The following LY6G6F variants were observed in gnomAD, a reference collection of about 807,000 sequenced individuals.
LY6G6F encodes lymphocyte antigen 6 complex locus protein G6f.
A neutral mutation model predicts 33.0 loss-of-function variants in LY6G6F; 26 were observed. The ratio of observed to expected loss-of-function variants is 0.79; its 90% CI spans 0.58 to 1.09. LY6G6F has a LOEUF of 1.09. Among genes scored for constraint, LY6G6F ranks in the 50% least tolerant of loss-of-function variants. The probability of loss-of-function intolerance (pLI) is 0.00; values close to 1 mark genes in which losing one functional copy is unlikely to be tolerated. For synonymous variants in LY6G6F, 132 were observed against 148.1 expected (o/e 0.89, Z 0.79); for missense variants, 317 against 372.0 (o/e 0.85, Z 1.22).
chr6:31,709,315 A>C (rs1339215195), intron 3 of LY6G6F, among the ~76,000 whole-genome samples: 3 of 149,970 alleles, frequency 2.0e-5, no homozygotes, highest in Non-Finnish European at 4.4e-5. Flanking sequence ...GCTGGAGTGC[A>C]GTGGCGCAAT....
In LY6G6F at chr6:31,707,322, G is replaced by C; in HGVS notation, c.53-136G>C. 1 of 731,686 alleles carries C rather than the reference G, an allele frequency of 1.4e-6. No homozygotes were observed. 45.3% of individuals were successfully genotyped at this position (731,686 alleles called of 1,614,324 possible). A position where few individuals can be genotyped will look rare whatever the true frequency, so the allele number is the denominator to read the frequency against. ...CTCCACCTGTCTTATTTTTGTAGCT[G>C]TCACTTGAGAAATGTGGTCACCAGC... On this transcript the variant is annotated intron_variant, in intron 1 of 5. Coordinates refer to ENST00000375832, the MANE Select transcript of LY6G6F (RefSeq NM_001003693.3). This position sits in a 1 kb window ranked among gnomAD's most constrained non-coding sequence, Gnocchi z 4.1.
At position 31,708,107 on chromosome 6, in the gene LY6G6F, A is replaced by G. The variant is rs1254678498; in HGVS notation, c.619A>G (p.Asn207Asp). The change falls in exon 3 of 6, where the codon AAC becomes GAC. Residue 207 changes from asparagine to aspartate, a missense_variant. By Grantham distance (23) the Asn-to-Asp change is conservative (BLOSUM62 1). Transcript: ENST00000375832. ...PRIIRCLMTH[N>D]KGVSFSLAAS... ...AATCATCCGCTGCCTCATGACTCAC[A>G]ACAAAGGGGTCAGCTTTAGCCTGGC... 3.2e-6 allele frequency: 5 copies of G among 1,580,322 alleles called. No homozygotes were observed. Among genetic ancestry groups the G allele is most frequent in the Admixed American group, 1.8e-5 (1 of 54,866 alleles).
Position 31,707,629 on chromosome 6 carries a change from G to C in LY6G6F, c.224G>C (p.Gly75Ala), listed in dbSNP as rs1392250844. The change falls in exon 2 of 6, where the codon GGA becomes GCA. Residue 75 changes from glycine to alanine, a missense_variant. Coordinates refer to ENST00000375832, the MANE Select transcript of LY6G6F (RefSeq NM_001003693.3). This position sits in a 1 kb window ranked among gnomAD's most constrained non-coding sequence, Gnocchi z 4.1. ...GTGGGCAGGCCAGCCCCAGACCCTG[G>C]AAAACCAGGAAGGGAATCCAGGCTC... ...VQVGRPAPDP[G>A]KPGRESRLRL... 6.2e-7 allele frequency: 1 copy of C among 1,613,684 alleles called. No homozygotes were observed. The highest frequency in any genetic ancestry group is 8.5e-7 in the Non-Finnish European group (1 of 1,179,828).
Position 31,707,502 on chromosome 6 carries a change from C to T in LY6G6F, c.97C>T (p.Leu33=). Residue 33 remains leucine, a synonymous_variant, in exon 2 of 6, where the codon CTG becomes TTG. Transcript: ENST00000375832. This position sits in a 1 kb window ranked among gnomAD's most constrained non-coding sequence, Gnocchi z 4.1. ...TGTGGCCTTGGGGGAGGCAGTAGAG[C>T]TGCCATGTCCCTCACCACCTACTCT... is the stretch of plus-strand genomic sequence containing the variant. ...IYVALGEAVE[L]PCPSPPTLHG... is the part of the protein sequence containing the mutation. 1 of 1,614,168 alleles carries T rather than the reference C, an allele frequency of 6.2e-7. No individual in the cohort carries two copies. The highest frequency in any genetic ancestry group is 8.5e-7 in the Non-Finnish European group (1 of 1,180,008).
intron 3 of LY6G6F, among the ~76,000 whole-genome samples, chr6:31,708,912 G>A (rs917990428): frequency 6.7e-6 from 1 of 150,370 alleles, no homozygotes; most frequent in African/African-American, 2.5e-5. Context: ...GGCAACAAGA[G>A]CGAAGCTCTA....
chr6:31,706,904 C>G lies in LY6G6F; in HGVS notation c.-3C>G. 3.7e-6 allele frequency: 6 copies of G among 1,614,112 alleles called. No homozygotes were observed. Among genetic ancestry groups the G allele is most frequent in the Non-Finnish European group, 5.1e-6 (6 of 1,180,032 alleles). ...GAGCAAGAGAACTTGGCAGGCTCTC[C>G]CCATGGCAGTCTTATTCCTCCTCCT... is the stretch of plus-strand genomic sequence containing the variant. On this transcript the variant is annotated 5_prime_UTR_variant, in exon 1 of 6. Coordinates refer to ENST00000375832, the MANE Select transcript of LY6G6F (RefSeq NM_001003693.3).
Position 31,707,267 on chromosome 6 carries a change from G to C in LY6G6F, c.53-191G>C, listed in dbSNP as rs1297298651. Among the ~76,000 whole-genome samples the C allele has an allele frequency of 6.6e-6, 1 of 152,202 alleles. No individual in the cohort carries two copies. Among genetic ancestry groups the C allele is most frequent in the Non-Finnish European group, 1.5e-5 (1 of 68,034 alleles). On this transcript the variant is annotated intron_variant, in intron 1 of 5. Transcript: ENST00000375832. The surrounding 1 kb of genome is among the most constrained non-coding windows in gnomAD (Gnocchi z 4.1). ...CCTCAGACCCCCTCACTGGCTGGGG[G>C]AGAGAGGAGGAAAGCCCTTACCCTC...
chr6:31,707,863 C>T lies in LY6G6F; in HGVS notation c.383-8C>T, dbSNP rs1805730396. ...TGAAGAACTGAGGAATCCCTCTCTC[C>T]CCTACAGGATCCCAGTTATCTGCAA... On this transcript the variant is annotated splice_region_variant and splice_polypyrimidine_tract_variant and intron_variant, in intron 2 of 5. Coordinates refer to ENST00000375832, the MANE Select transcript of LY6G6F (RefSeq NM_001003693.3). The surrounding 1 kb of genome is among the most constrained non-coding windows in gnomAD (Gnocchi z 4.1). 7 of 1,612,116 alleles carry T rather than the reference C, an allele frequency of 4.3e-6. 1 individual carries two copies. The South Asian group carries it at 6.6e-5, about 15-fold the overall frequency.
intron 3 of LY6G6F, 41 bp downstream of exon 3, chr6:31,708,175 TCAGCC>T: frequency 1.3e-6 from 2 of 1,505,834 alleles, no homozygotes; most frequent in Non-Finnish European, 1.8e-6. Context: ...TTCTTTCACT[TCAGCC>T]TCCCAAGTAG....
At chr6:31,708,594 C>T (rs1457375911) in intron 3 of LY6G6F, among the ~76,000 whole-genome samples, 1 of 152,140 alleles carries the variant, frequency 6.6e-6, no homozygotes, top group African/African-American at 2.4e-5. Context: ...GAGCAGGGGG[C>T]ATTGCCATTC....
At chr6:31,709,260 T>TG (rs200827488) in intron 3 of LY6G6F, among the ~76,000 whole-genome samples, 21,708 of 147,890 alleles carry the variant, frequency 0.15, 1,851 homozygotes, top group Admixed American at 0.2. Context: ...GTGTGTGTGT[T>TG]TTTTTTTGTT....
At position 31,710,155 on chromosome 6, in the gene LY6G6F, A is replaced by T; in HGVS notation, c.776A>T (p.Gln259Leu). ...GCCCTCAGCATCGTGCTCTGGAGGC[A>T]GAGGGTCCGTGGGGCTCCAGGCAGA... is the stretch of plus-strand genomic sequence containing the variant. ...ILALSIVLWR[Q>L]RVRGAPGRDA... Residue 259 changes from glutamine (Q) to leucine (L), a missense_variant, in exon 4 of 6, where the codon CAG (glutamine) becomes CTG (leucine). Transcript: ENST00000375832. The surrounding 1 kb of genome is among the most constrained non-coding windows in gnomAD (Gnocchi z 4.7). 6.2e-7 allele frequency: 1 copy of T among 1,612,820 alleles called. No individual in the cohort carries two copies. The highest frequency in any genetic ancestry group is 8.5e-7 in the Non-Finnish European group (1 of 1,179,872).
chr6:31,710,214 G>A lies in LY6G6F; in HGVS notation c.802+33G>A, dbSNP rs1183049046. ...CCTCCCTCCCCGGGGAAAGAAGAGG[G>A]CACATGGGTGGGAGGCAAAGGGCTA... is the stretch of plus-strand genomic sequence containing the variant. On this transcript the variant is annotated intron_variant, in intron 4 of 5. Transcript: ENST00000375832. The surrounding 1 kb of genome is among the most constrained non-coding windows in gnomAD (Gnocchi z 4.7). 6.2e-7 allele frequency: 1 copy of A among 1,607,880 alleles called. No homozygotes were observed. Among genetic ancestry groups the A allele is most frequent in the South Asian group, 1.1e-5 (1 of 90,700 alleles).
rs969453691 is a variant in LY6G6F, at chr6:31,710,071, G to A, written c.692G>A (p.Trp231Ter). ...SPALCAPSTG[W>*]DMPWILMLLL... is the part of the protein sequence containing the mutation. ...GCCCTCTGTGCCCCTTCCACGGGCT[G>A]GGACATGCCTTGGATTCTGATGCTG... is the stretch of plus-strand genomic sequence containing the variant. Residue 231 changes from tryptophan to a stop codon, truncating the protein, a stop_gained, in exon 4 of 6, where the codon TGG becomes TAG. Transcript: ENST00000375832. LOFTEE classifies it high-confidence loss of function. The surrounding 1 kb of genome is among the most constrained non-coding windows in gnomAD (Gnocchi z 4.7). 1.9e-6 allele frequency: 3 copies of A among 1,612,908 alleles called. No individual in the cohort carries two copies. Among genetic ancestry groups the A allele is most frequent in the African/African-American group, 2.7e-5 (2 of 74,908 alleles).
At chr6:31,708,157 A>T (rs1157644576) in intron 3 of LY6G6F, 23 bp downstream of exon 3, 1 of 1,516,320 alleles carries the variant, frequency 6.6e-7, no homozygotes, top group Non-Finnish European at 8.8e-7. Flanking sequence ...AGGAGACGGA[A>T]AGGGATGTTC....
Position 31,710,508 on chromosome 6 carries a change from T to C in LY6G6F, c.870-59T>C. The C allele has an allele frequency of 6.2e-7, 1 of 1,613,814 alleles. No homozygotes were observed. Among genetic ancestry groups the C allele is most frequent in the South Asian group, 1.1e-5 (1 of 91,064 alleles). On this transcript the variant is annotated intron_variant, in intron 5 of 5. Coordinates refer to ENST00000375832, the MANE Select transcript of LY6G6F (RefSeq NM_001003693.3). The surrounding 1 kb of genome is among the most constrained non-coding windows in gnomAD (Gnocchi z 4.7). ...GGGTTGGGTTGGGGATGGGCCCTCG[T>C]TCCTGAGGATGTGAAAAGTAGAGGT...
Position 31,710,677 on chromosome 6 carries a change from G to C in LY6G6F, c.*86G>C. On this transcript the variant is annotated 3_prime_UTR_variant, in exon 6 of 6. Transcript: ENST00000375832. The surrounding 1 kb of genome is among the most constrained non-coding windows in gnomAD (Gnocchi z 4.7). Reference sequence around the variant, plus strand: ...AGATTCCTCGACAACCTTAGCAAGGGGGGCGGGACTGAGAGTTCGACTTCA... The same window carrying C: ...AGATTCCTCGACAACCTTAGCAAGGCGGGCGGGACTGAGAGTTCGACTTCA... 6.4e-7 allele frequency: 1 copy of C among 1,565,770 alleles called. No individual in the cohort carries two copies. The highest frequency in any genetic ancestry group is 8.8e-7 in the Non-Finnish European group (1 of 1,137,108).
In LY6G6F at chr6:31,707,704, A is replaced by G; in HGVS notation, c.299A>G (p.Asp100Gly). ...TGGTTGGAGGGATCCAAAGAGGAAGATGCCGGGCGGTACTGGTGCGCTGTG... is the reference window on the plus strand; with the variant it reads ...TGGTTGGAGGGATCCAAAGAGGAAGGTGCCGGGCGGTACTGGTGCGCTGTG... ...SLWLEGSKEE[D>G]AGRYWCAVLG... The change falls in exon 2 of 6, where the codon GAT becomes GGT. Residue 100 changes from aspartate (D) to glycine (G), a missense_variant. Physicochemically the swap from Asp to Gly is moderately conservative, Grantham distance 94. Coordinates refer to ENST00000375832, the MANE Select transcript of LY6G6F (RefSeq NM_001003693.3). The surrounding 1 kb of genome is among the most constrained non-coding windows in gnomAD (Gnocchi z 4.1). The G allele has an allele frequency of 1.9e-6, 3 of 1,614,184 alleles. 1 individual carries two copies. Among genetic ancestry groups the G allele is most frequent in the South Asian group, 2.2e-5 (2 of 91,070 alleles).
At position 31,708,140 on chromosome 6, in the gene LY6G6F, C is replaced by T; in HGVS notation, c.646+6C>T. On this transcript the variant is annotated splice_donor_region_variant and intron_variant, in intron 3 of 5. Coordinates refer to ENST00000375832, the MANE Select transcript of LY6G6F (RefSeq NM_001003693.3). ...GGTCAGCTTTAGCCTGGCAGGTAAA[C>T]TGAGGAAGGAGACGGAAAGGGATGT... The T allele has an allele frequency of 6.6e-7, 1 of 1,523,982 alleles. No homozygotes were observed. Among genetic ancestry groups the T allele is most frequent in the African/African-American group, 1.4e-5 (1 of 72,116 alleles). 94.4% of individuals were successfully genotyped at this position (1,523,982 alleles called of 1,614,324 possible). A position where few individuals can be genotyped will look rare whatever the true frequency, so the allele number is the denominator to read the frequency against.
Sources: allele counts gnomAD v4.1 joint callset (sites outside exome capture counted in the v4.1 genomes callset), GRCh38; gene constraint gnomAD v4.1.1; non-coding constraint Gnocchi (gnomAD v3.1); transcripts MANE v1.5; gene names NCBI Gene and HGNC (gene_info 2026-07-23, HGNC 2026-07-21).